The following ZNF804B variants were observed in gnomAD, a reference collection of about 807,000 sequenced individuals.
ZNF804B encodes the protein zinc finger 804B.
ZNF804B carries 80 observed loss-of-function variants against 101.4 expected under a neutral mutation model. The observed-to-expected ratio is 0.79, with a 90% confidence interval of 0.66 to 0.95. The LOEUF (loss-of-function observed/expected upper bound fraction) is 0.95. ZNF804B is among the 40% of genes least tolerant of loss of function. The pLI is 0.00. For missense variants in ZNF804B, 1,673 were observed against 1,561.9 expected (o/e 1.07, Z -1.20); for synonymous variants, 622 against 558.8 (o/e 1.11, Z -1.59).
chr7:88,914,914 T>C (rs1792610700), intron 1 of ZNF804B, among the ~76,000 whole-genome samples: 1 of 152,206 alleles, frequency 6.6e-6, no homozygotes, highest in African/African-American at 2.4e-5. Flanking sequence ...AAAAATCCTT[T>C]AAGTTAAAAT....
intron 2 of ZNF804B, among the ~76,000 whole-genome samples, chr7:89,315,731 C>A (rs1438261852): frequency 6.6e-6 from 1 of 151,746 alleles, no homozygotes; most frequent in African/African-American, 2.4e-5. Flanking sequence ...TCTAAATACA[C>A]ACACACACAA....
At chr7:88,818,104 A>T (rs11769984) in intron 1 of ZNF804B, among the ~76,000 whole-genome samples, 3 of 152,064 alleles carry the variant, frequency 2.0e-5, no homozygotes, top group East Asian at 1.9e-4. Context: ...AAAAAGTTTG[A>T]GATGAGGAAA....
At chr7:89,126,654 T>C (rs1240985126) in intron 1 of ZNF804B, among the ~76,000 whole-genome samples, 1 of 151,984 alleles carries the variant, frequency 6.6e-6, no homozygotes, top group Non-Finnish European at 1.5e-5. Context: ...TATTTGTGTG[T>C]GTGTGTGTGG....
intron 1 of ZNF804B, among the ~76,000 whole-genome samples, chr7:89,019,651 G>T (rs1181320594): frequency 6.6e-6 from 1 of 151,832 alleles, no homozygotes; most frequent in South Asian, 2.1e-4. Flanking sequence ...TTATAAATCT[G>T]GACCCTCCAA....
chr7:89,235,731 C>A (rs1789269190), intron 2 of ZNF804B, among the ~76,000 whole-genome samples: 1 of 151,474 alleles, frequency 6.6e-6, no homozygotes, highest in South Asian at 2.1e-4. Flanking sequence ...GTGGGCAAAA[C>A]CTGATGACCA....
intron 1 of ZNF804B, among the ~76,000 whole-genome samples, chr7:89,053,915 A>G (rs1398921384): frequency 6.6e-6 from 1 of 152,124 alleles, no homozygotes; most frequent in Non-Finnish European, 1.5e-5. Context: ...GATGGGGAGA[A>G]TATAGGTAAC....
chr7:88,965,780 C>G (rs1793444831), intron 1 of ZNF804B, among the ~76,000 whole-genome samples: 1 of 151,430 alleles, frequency 6.6e-6, no homozygotes, highest in Non-Finnish European at 1.5e-5. Flanking sequence ...ATTTTGCTAT[C>G]TAATAGCATA....
chr7:89,015,799 G>A (rs996916220), intron 1 of ZNF804B, among the ~76,000 whole-genome samples: 5 of 152,048 alleles, frequency 3.3e-5, no homozygotes, highest in Admixed American at 6.6e-5. Flanking sequence ...ATAAACATAC[G>A]TGTGCATGTG....
intron 1 of ZNF804B, among the ~76,000 whole-genome samples, chr7:88,761,736 C>G (rs890452000): frequency 2.0e-5 from 3 of 152,160 alleles, no homozygotes; most frequent in East Asian, 3.8e-4. Context: ...CTGTTTGTGC[C>G]TTAAGACTTC....
intron 1 of ZNF804B, among the ~76,000 whole-genome samples, chr7:89,156,155 C>G (rs182668745): frequency 1.6e-3 from 237 of 151,466 alleles, no homozygotes; most frequent in Non-Finnish European, 2.9e-3. Flanking sequence ...CTCTTGTTGC[C>G]CAGGCTGGAG....
chr7:88,807,569 A>G (rs1310676127), intron 1 of ZNF804B, among the ~76,000 whole-genome samples: 1 of 152,188 alleles, frequency 6.6e-6, no homozygotes, highest in Non-Finnish European at 1.5e-5. Context: ...GCATCTATTT[A>G]TCTTAAATTA....
chr7:89,232,974 T>C (rs535461633), intron 2 of ZNF804B, among the ~76,000 whole-genome samples: 35 of 152,216 alleles, frequency 2.3e-4, no homozygotes, highest in Non-Finnish European at 3.5e-4. Flanking sequence ...CAGGCTGGAG[T>C]GCAGTGGCGC....
intron 1 of ZNF804B, among the ~76,000 whole-genome samples, chr7:89,213,522 C>CTACT (rs1290164093): frequency 1.3e-5 from 2 of 152,176 alleles, no homozygotes; most frequent in Non-Finnish European, 2.9e-5. Flanking sequence ...TGCAACAAGA[C>CTACT]TACTACCTTG....
chr7:89,138,651 C>T (rs1029480993), intron 1 of ZNF804B, among the ~76,000 whole-genome samples: 9 of 151,912 alleles, frequency 5.9e-5, no homozygotes, highest in African/African-American at 2.2e-4. Context: ...TGGCTGTGCC[C>T]CCACCCAAAT....
chr7:88,779,415 C>T (rs1257555852), intron 1 of ZNF804B, among the ~76,000 whole-genome samples: 1 of 152,150 alleles, frequency 6.6e-6, no homozygotes, highest in Non-Finnish European at 1.5e-5. Context: ...CTGTTCTCTC[C>T]TTTTTCCGCT....
chr7:88,919,881 T>C (rs1372475127), intron 1 of ZNF804B, among the ~76,000 whole-genome samples: 3 of 152,080 alleles, frequency 2.0e-5, no homozygotes, highest in African/African-American at 7.2e-5. Flanking sequence ...GTAGTTGAAT[T>C]TGTACTCAGA....
Position 89,336,500 on chromosome 7 carries a change from T to G in ZNF804B, c.3518T>G (p.Leu1173Arg). ...GCCCAGCAGCATATGCAGAAGCAACTCCTATCAAAGCATCTTCGAGTTTTG... is the reference window on the plus strand; with the variant it reads ...GCCCAGCAGCATATGCAGAAGCAACGCCTATCAAAGCATCTTCGAGTTTTG... ...LQAQQHMQKQ[L>R]LSKHLRVLPA... The change falls in exon 4 of 4, where the codon CTC becomes CGC. Residue 1173 changes from leucine (L) to arginine (R), a missense_variant. Coordinates refer to ENST00000333190, the MANE Select transcript of ZNF804B (RefSeq NM_181646.5). 3 of 1,614,008 alleles carry G rather than the reference T, an allele frequency of 1.9e-6. No individual in the cohort carries two copies. Among genetic ancestry groups the G allele is most frequent in the Non-Finnish European group, 2.5e-6 (3 of 1,179,992 alleles).
intron 1 of ZNF804B, among the ~76,000 whole-genome samples, chr7:88,797,086 G>T (rs1790497753): frequency 6.6e-6 from 1 of 151,942 alleles, no homozygotes; most frequent in Non-Finnish European, 1.5e-5. Context: ...TATTAAACAT[G>T]TTTCCCTTTA....
intron 1 of ZNF804B, among the ~76,000 whole-genome samples, chr7:88,840,702 G>A (rs1439088316): frequency 6.6e-6 from 1 of 152,000 alleles, no homozygotes; most frequent in Non-Finnish European, 1.5e-5. Flanking sequence ...TAACTAATAA[G>A]CACTAGATTG....
Sources: allele counts gnomAD v4.1 joint callset (sites outside exome capture counted in the v4.1 genomes callset), GRCh38; gene constraint gnomAD v4.1.1; transcripts MANE v1.5; gene names NCBI Gene and HGNC (gene_info 2026-07-23, HGNC 2026-07-21).